Variants in TSPAN18 observed in about 807,000 individuals in gnomAD.
TSPAN18 encodes tetraspanin-18.
A neutral mutation model predicts 27.3 loss-of-function variants in TSPAN18; 14 were observed. The observed-to-expected ratio is 0.51, with a 90% CI of 0.34 to 0.80. The LOEUF (loss-of-function observed/expected upper bound fraction) is 0.80, where lower values mean the gene tolerates loss of function less well. TSPAN18 is among the 30% of genes least tolerant of loss of function. TSPAN18 has a pLI of 0.01. For synonymous variants in TSPAN18, 143 were observed against 136.5 expected (o/e 1.05, Z -0.33); for missense variants, 268 against 323.9 (o/e 0.83, Z 1.32).
intron 9 of TSPAN18, among the ~76,000 whole-genome samples, chr11:44,928,694 G>A (rs1391551818): frequency 2.0e-5 from 3 of 152,166 alleles, no homozygotes; most frequent in Non-Finnish European, 2.9e-5. Context: ...GCTGAGGCAG[G>A]AGAATTGCTT....
chr11:44,862,038 C>T (rs992305328), intron 3 of TSPAN18, among the ~76,000 whole-genome samples: 1 of 152,246 alleles, frequency 6.6e-6, no homozygotes, highest in Admixed American at 6.5e-5. Flanking sequence ...TCCTTCATGG[C>T]TGAGGGGAGT....
At chr11:44,740,016 C>A (rs924585751) in intron 1 of TSPAN18, among the ~76,000 whole-genome samples, 1 of 152,224 alleles carries the variant, frequency 6.6e-6, no homozygotes, top group Admixed American at 6.5e-5. Flanking sequence ...TTGTTTCATG[C>A]ATGCCCCTTT....
chr11:44,820,416 C>T (rs959550376), intron 2 of TSPAN18, among the ~76,000 whole-genome samples: 1 of 152,220 alleles, frequency 6.6e-6, no homozygotes, highest in Non-Finnish European at 1.5e-5. Context: ...TGGACAGGGT[C>T]ATATGGTGCA....
chr11:44,854,547 G>A (rs1352256910), intron 2 of TSPAN18, among the ~76,000 whole-genome samples: 1 of 152,220 alleles, frequency 6.6e-6, no homozygotes, highest in Non-Finnish European at 1.5e-5. Flanking sequence ...GGCTTTGAGT[G>A]TCCTTTCTTG....
chr11:44,746,159 G>A (rs1003328220), intron 1 of TSPAN18, among the ~76,000 whole-genome samples: 2 of 152,220 alleles, frequency 1.3e-5, no homozygotes. Context: ...CTGGGGATAA[G>A]CAGCAGCTGC....
intron 5 of TSPAN18, 69 bp downstream of exon 5, chr11:44,909,968 C>T: frequency 6.6e-7 from 1 of 1,513,374 alleles, no homozygotes; most frequent in Non-Finnish European, 8.9e-7. Flanking sequence ...TGCAGACTCC[C>T]AGGCCCTGCC....
intron 5 of TSPAN18, among the ~76,000 whole-genome samples, chr11:44,911,913 G>A (rs1859731630): frequency 6.8e-6 from 1 of 146,666 alleles, no homozygotes; most frequent in Non-Finnish European, 1.5e-5. Flanking sequence ...AGGCCTGATG[G>A]CAGATCCTTC....
Position 44,860,339 on chromosome 11 carries a change from C to G in TSPAN18, c.-141C>G, listed in dbSNP as rs1734116344. The G allele has an allele frequency of 6.6e-6, 1 of 152,164 alleles. No homozygotes were observed. The highest frequency in any genetic ancestry group is 1.5e-5 in the Non-Finnish European group (1 of 68,034). The allele number at this position is 152,164 out of a possible 1,614,324, so 9.4% of individuals were successfully genotyped here. On this transcript the variant is annotated 5_prime_UTR_variant, in exon 3 of 10. Transcript: ENST00000520358. Reference sequence around the variant, plus strand: ...CTTCCCTCTCACAGGTGAGCATCTCCTGGACCACCCTCAAGCTTCAGGTGA... The same window carrying G: ...CTTCCCTCTCACAGGTGAGCATCTCGTGGACCACCCTCAAGCTTCAGGTGA...
At chr11:44,854,711 T>C (rs995116652) in intron 2 of TSPAN18, among the ~76,000 whole-genome samples, 3 of 152,166 alleles carry the variant, frequency 2.0e-5, no homozygotes, top group Non-Finnish European at 2.9e-5. Context: ...GATGCTGACC[T>C]GTGTGCAGGA....
intron 8 of TSPAN18, among the ~76,000 whole-genome samples, chr11:44,922,174 T>C (rs1860168742): frequency 6.7e-6 from 1 of 148,820 alleles, no homozygotes; most frequent in Non-Finnish European, 1.5e-5. Context: ...TGGAGTGCAA[T>C]GGCACAATCC....
chr11:44,776,420 C>A (rs1855809574), intron 2 of TSPAN18, among the ~76,000 whole-genome samples: 1 of 152,024 alleles, frequency 6.6e-6, no homozygotes, highest in Non-Finnish European at 1.5e-5. Context: ...GTTTCTTTAT[C>A]TGTGAATTGG....
intron 2 of TSPAN18, among the ~76,000 whole-genome samples, chr11:44,792,750 C>T (rs927415794): frequency 2.0e-5 from 3 of 152,142 alleles, no homozygotes; most frequent in Non-Finnish European, 2.9e-5. Flanking sequence ...TGGACCTCCA[C>T]CCCGGGGAAG....
At chr11:44,917,881 C>G in intron 5 of TSPAN18, 91 bp from the exon 6 acceptor site, 2 of 1,193,918 alleles carry the variant, frequency 1.7e-6, no homozygotes, top group South Asian at 2.5e-5. Context: ...TACTGCGTCA[C>G]TGGTGTGACA....
At chr11:44,798,529 C>T (rs746136360) in intron 2 of TSPAN18, among the ~76,000 whole-genome samples, 1 of 152,192 alleles carries the variant, frequency 6.6e-6, no homozygotes, top group Non-Finnish European at 1.5e-5. Flanking sequence ...TAGCCTCCCC[C>T]ATCTGGCCCA....
intron 2 of TSPAN18, among the ~76,000 whole-genome samples, chr11:44,824,721 C>T (rs1160739099): frequency 1.3e-5 from 2 of 152,218 alleles, no homozygotes; most frequent in South Asian, 4.1e-4. Flanking sequence ...CACTGGGCTT[C>T]CTGGCTCACA....
chr11:44,749,539 G>A (rs896974919), intron 1 of TSPAN18, among the ~76,000 whole-genome samples: 1 of 152,106 alleles, frequency 6.6e-6, no homozygotes, highest in African/African-American at 2.4e-5. Flanking sequence ...AGTGTCTTGG[G>A]GATTGCACTT....
chr11:44,866,931 A>AG (rs1029267874), intron 3 of TSPAN18, among the ~76,000 whole-genome samples: 3 of 151,298 alleles, frequency 2.0e-5, no homozygotes, highest in Non-Finnish European at 3.0e-5. Context: ...GGGGAAAAAA[A>AG]GTCTCAAGAC....
At chr11:44,851,780 C>T (rs771983972) in intron 2 of TSPAN18, among the ~76,000 whole-genome samples, 29 of 152,168 alleles carry the variant, frequency 1.9e-4, no homozygotes, top group Non-Finnish European at 3.5e-4. Context: ...TTCCTCATCT[C>T]CAACACCCAT....
intron 2 of TSPAN18, among the ~76,000 whole-genome samples, chr11:44,817,767 C>G (rs985831030): frequency 6.6e-6 from 1 of 152,212 alleles, no homozygotes; most frequent in African/African-American, 2.4e-5. Context: ...ATTCAACATG[C>G]CACCAAAGTG....
Sources: gnomAD v4.1 joint callset for allele counts (sites outside exome capture counted in the v4.1 genomes callset) on GRCh38, gnomAD v4.1.1 for gene constraint, MANE v1.5 for transcripts, NCBI Gene and HGNC (gene_info 2026-07-23, HGNC 2026-07-21) for gene names.